The following TMEM185A variants were observed in gnomAD, a reference collection of about 807,000 sequenced individuals.
The protein encoded by TMEM185A is transmembrane protein 185A, also known as family with sequence similarity 11, member A.
Under a neutral mutation model 25.0 loss-of-function variants are expected in TMEM185A, and 9 were observed. That is an observed-to-expected ratio of 0.36 (90% CI 0.22 to 0.63). TMEM185A has a LOEUF of 0.63. Among genes scored for constraint, TMEM185A ranks in the 20% least tolerant of loss-of-function variants. The pLI, the probability that TMEM185A is intolerant of heterozygous loss-of-function variation, is 0.68. For missense variants in TMEM185A, 103 were observed against 237.4 expected (o/e 0.43, Z 3.72); for synonymous variants, 45 against 93.5 (o/e 0.48, Z 2.99).
At chrX:149,630,972 C>T (rs1210554401) in intron 1 of TMEM185A, among the ~76,000 whole-genome samples, 1 of 111,305 alleles carries the variant, frequency 9.0e-6, no homozygotes, top group Non-Finnish European at 1.9e-5. Context: ...TGATCAGGCT[C>T]ACCCAGAAAT....
intron 1 of TMEM185A, among the ~76,000 whole-genome samples, chrX:149,626,650 G>A (rs1372632672): frequency 2.7e-5 from 3 of 112,389 alleles, no homozygotes; most frequent in Non-Finnish European, 3.8e-5. Context: ...CTCAGCATAC[G>A]GAGGACCCGC....
At chrX:149,609,220 A>G (rs1392100496) in intron 2 of TMEM185A, among the ~76,000 whole-genome samples, 1 of 112,556 alleles carries the variant, frequency 8.9e-6, no homozygotes, top group Non-Finnish European at 1.9e-5. Flanking sequence ...TGCTGCTAAA[A>G]CCAGGCAAAT....
intron 1 of TMEM185A, among the ~76,000 whole-genome samples, chrX:149,620,188 G>T (rs1019553048): frequency 8.9e-6 from 1 of 112,015 alleles, no homozygotes; most frequent in African/African-American, 3.2e-5. Flanking sequence ...ACATGCACAC[G>T]TATGTTTATT....
At chrX:149,603,334 A>C (rs2090027661) in intron 4 of TMEM185A, among the ~76,000 whole-genome samples, 1 of 108,246 alleles carries the variant, frequency 9.2e-6, no homozygotes, top group Admixed American at 1.0e-4. Flanking sequence ...GCTACATTGC[A>C]CAGGTTGGTC....
chrX:149,602,779 G>T (rs1488997065), intron 4 of TMEM185A, among the ~76,000 whole-genome samples: 1 of 112,096 alleles, frequency 8.9e-6, no homozygotes, highest in Non-Finnish European at 1.9e-5. Flanking sequence ...TGAACCCAAT[G>T]ACCATTCTCC....
intron 3 of TMEM185A, among the ~76,000 whole-genome samples, chrX:149,608,283 G>A (rs1231350710): frequency 9.0e-6 from 1 of 110,854 alleles, no homozygotes; most frequent in Non-Finnish European, 1.9e-5. Flanking sequence ...CAAAGGGTAA[G>A]AAATTGACAT....
intron 1 of TMEM185A, among the ~76,000 whole-genome samples, chrX:149,614,929 C>T (rs1205015245): frequency 8.9e-6 from 1 of 112,089 alleles, no homozygotes; most frequent in Non-Finnish European, 1.9e-5. Flanking sequence ...GAAATACCAC[C>T]AATTCTTCAC....
At chrX:149,622,139 T>C (rs2090142445) in intron 1 of TMEM185A, among the ~76,000 whole-genome samples, 1 of 112,187 alleles carries the variant, frequency 8.9e-6, no homozygotes, top group African/African-American at 3.2e-5. Flanking sequence ...AGAAATCAGA[T>C]GACAGAGGTT....
In TMEM185A at chrX:149,619,735, G is replaced by A. The variant is rs781934824; in HGVS notation, c.39-8272C>T. 1.3e-4 allele frequency among the ~76,000 whole-genome samples: 14 copies of A among 105,330 alleles called. No homozygotes were observed. The South Asian group carries it at 6.0e-3, about 45-fold the overall frequency. The allele number at this position is 105,330 out of a possible 115,157, so 91.5% of individuals were successfully genotyped here. ...TTCTCATTGTTCAATTCCCATCTAT[G>A]AGTGAGAACATGTGGTGTTTGGTTT... On this transcript the variant is annotated intron_variant, in intron 1 of 6. Coordinates refer to ENST00000600449, the MANE Select transcript of TMEM185A (RefSeq NM_032508.4).
At position 149,611,290 on chromosome X, in the gene TMEM185A, T is replaced by C. The variant is rs1254808373; in HGVS notation, c.212A>G (p.Tyr71Cys). The change falls in exon 2 of 7, where the codon TAT (tyrosine) becomes TGT (cysteine). Residue 71 changes from tyrosine (Y) to cysteine (C), a missense_variant. Coordinates refer to ENST00000600449, the MANE Select transcript of TMEM185A (RefSeq NM_032508.4). The part of the protein sequence containing the change: ...GTGVWARNPQ[Y>C]RAEGETCVEF... The stretch of plus-strand genomic sequence containing the variant: ...GGGTTGTATAAAGCAGTATTACCGA[T>C]ATTGAGGATTTCGTGCCCAGACTCC... 3 of 1,207,503 alleles carry C rather than the reference T, an allele frequency of 2.5e-6. No individual in the cohort carries two copies. Among genetic ancestry groups the C allele is most frequent in the Non-Finnish European group, 3.4e-6 (3 of 893,675 alleles).
chrX:149,631,718 TGCCGTCGCCGTC>T lies in TMEM185A; in HGVS notation c.-150_-139del, dbSNP rs1249418430. On this transcript the variant is annotated 5_prime_UTR_variant, in exon 1 of 7. Transcript: ENST00000600449. ...CTCCCGCTACTGCTGCCGTCCCCGC[TGCCGTCGCCGTC>T]GCCGTCGCCGCCGCCGCCGCCGCCG... 31 of 593,310 alleles carry T rather than the reference TGCCGTCGCCGTC, an allele frequency of 5.2e-5. No homozygotes were observed. The highest frequency in any genetic ancestry group is 5.0e-4 in the Middle Eastern group (1 of 1,981). 48.9% of individuals were successfully genotyped at this position (593,310 alleles called of 1,213,427 possible).
intron 1 of TMEM185A, among the ~76,000 whole-genome samples, chrX:149,627,275 T>C (rs1463498250): frequency 8.9e-6 from 1 of 112,621 alleles, no homozygotes; most frequent in Non-Finnish European, 1.9e-5. Flanking sequence ...TTACCAAGCA[T>C]ACTGCCTGCA....
chrX:149,604,078 T>C lies in TMEM185A; in HGVS notation c.424-8A>G. ...AGAACACAGGATTTCTAACTAAAAATGAAGAGAAGAATCAGTTAAACAAAG... is the reference window on the plus strand; with the variant it reads ...AGAACACAGGATTTCTAACTAAAAACGAAGAGAAGAATCAGTTAAACAAAG... On this transcript the variant is annotated splice_region_variant and splice_polypyrimidine_tract_variant and intron_variant, in intron 3 of 6. Transcript: ENST00000600449. 1 of 1,149,481 alleles carries C rather than the reference T, an allele frequency of 8.7e-7. No homozygotes were observed. Among genetic ancestry groups the C allele is most frequent in the Non-Finnish European group, 1.2e-6 (1 of 842,825 alleles). The allele number at this position is 1,149,481 out of a possible 1,213,427, so 94.7% of individuals were successfully genotyped here.
At chrX:149,611,608 A>AC in intron 1 of TMEM185A, 145 bp from the exon 2 acceptor site, 1 of 518,634 alleles carries the variant, frequency 1.9e-6, no homozygotes, top group South Asian at 4.3e-5. Flanking sequence ...TATGGGGCAG[A>AC]CATAATGTGT....
chrX:149,607,263 T>C (rs782144001), intron 3 of TMEM185A, among the ~76,000 whole-genome samples: 139 of 112,164 alleles, frequency 1.2e-3, no homozygotes, highest in African/African-American at 4.4e-3. Context: ...CTAAGCCAAC[T>C]GCAGTCTTCT....
chrX:149,631,311 C>G (rs1015780439), intron 1 of TMEM185A, among the ~76,000 whole-genome samples: 1 of 110,779 alleles, frequency 9.0e-6, no homozygotes, highest in Admixed American at 9.4e-5. Context: ...CCGGGCCCTT[C>G]CGGCCGTGGC....
chrX:149,630,276 C>CAAGTTAA (rs1557356485), intron 1 of TMEM185A, among the ~76,000 whole-genome samples: 12 of 111,487 alleles, frequency 1.1e-4, no homozygotes, highest in African/African-American at 3.6e-4. Flanking sequence ...TAAAATGTCA[C>CAAGTTAA]CATCCCTAGG....
chrX:149,609,604 T>C (rs781887341), intron 2 of TMEM185A, among the ~76,000 whole-genome samples: 1 of 112,556 alleles, frequency 8.9e-6, no homozygotes, highest in East Asian at 2.8e-4. Flanking sequence ...GCCTACAATG[T>C]TTATTCAAAA....
chrX:149,610,255 T>C (rs914506931), intron 2 of TMEM185A, among the ~76,000 whole-genome samples: 2 of 107,693 alleles, frequency 1.9e-5, no homozygotes, highest in Non-Finnish European at 3.8e-5. Context: ...GGTGAAACCC[T>C]ATCTCTACTA....
Sources: gnomAD v4.1 joint callset for allele counts (sites outside exome capture counted in the v4.1 genomes callset) on GRCh38, gnomAD v4.1.1 for gene constraint, MANE v1.5 for transcripts, NCBI Gene and HGNC (gene_info 2026-07-23, HGNC 2026-07-21) for gene names.